CDK7: variants seen among roughly 807,000 people sequenced by gnomAD.
CDK7 encodes cyclin-dependent kinase 7.
Under a neutral mutation model 49.1 loss-of-function variants are expected in CDK7, and 25 were observed. The ratio of observed to expected loss-of-function variants is 0.51; its 90% CI spans 0.37 to 0.71. The LOEUF (loss-of-function observed/expected upper bound fraction) is 0.71. CDK7 is among the 30% of genes least tolerant of loss of function. The pLI, the probability that CDK7 is intolerant of heterozygous loss-of-function variation, is 0.00. For missense variants in CDK7, 316 were observed against 411.7 expected, an observed-to-expected ratio of 0.77 and a Z score of 2.01; for synonymous variants, 107 against 140.0, an observed-to-expected ratio of 0.76 and a Z score of 1.67.
chr5:69,235,348 C>T (rs755828810), intron 1 of CDK7, 46 bp from the exon 2 acceptor site: 7 of 1,398,326 alleles, frequency 5.0e-6, no homozygotes, highest in South Asian at 1.2e-5. Flanking sequence ...AAAAGGCAAA[C>T]ACAAAAACTC....
intron 2 of CDK7, among the ~76,000 whole-genome samples, chr5:69,251,034 A>T (rs941314462): frequency 2.4e-4 from 36 of 151,488 alleles, no homozygotes; most frequent in African/African-American, 8.7e-4. Context: ...GGCTCAAGCA[A>T]TCCTCCCACT....
intron 7 of CDK7, 100 bp downstream of exon 7, chr5:69,260,036 A>T: frequency 3.9e-6 from 3 of 762,216 alleles, no homozygotes; most frequent in Non-Finnish European, 4.4e-6. Flanking sequence ...ATCATTGTTG[A>T]TAGATACCGT....
At chr5:69,236,686 T>C (rs974217679) in intron 2 of CDK7, among the ~76,000 whole-genome samples, 1 of 151,886 alleles carries the variant, frequency 6.6e-6, no homozygotes, top group Non-Finnish European at 1.5e-5. Flanking sequence ...AGAATTTTGC[T>C]TGTTGCCCAG....
chr5:69,273,056 C>CT lies in CDK7; in HGVS notation c.864+21dup. On this transcript the variant is annotated intron_variant, in intron 10 of 11. Coordinates refer to ENST00000256443, the MANE Select transcript of CDK7 (RefSeq NM_001799.4). ...CGGCCACACAGGTATTTTGGTGTAT[C>CT]TTTTTTATACTAGGAAATATAAAAA... is the stretch of plus-strand genomic sequence containing the variant. 1.4e-6 allele frequency: 2 copies of CT among 1,448,974 alleles called. No individual in the cohort carries two copies. Among genetic ancestry groups the CT allele is most frequent in the Non-Finnish European group, 1.9e-6 (2 of 1,076,338 alleles). 89.8% of individuals were successfully genotyped at this position (1,448,974 alleles called of 1,614,324 possible).
At chr5:69,261,416 G>A (rs1750801784) in intron 7 of CDK7, among the ~76,000 whole-genome samples, 1 of 151,974 alleles carries the variant, frequency 6.6e-6, no homozygotes, top group Non-Finnish European at 1.5e-5. Context: ...TTAGCAGTGT[G>A]GACATGACTG....
At chr5:69,243,806 T>C (rs1186438126) in intron 2 of CDK7, among the ~76,000 whole-genome samples, 1 of 151,662 alleles carries the variant, frequency 6.6e-6, no homozygotes, top group African/African-American at 2.4e-5. Context: ...TGTCTTCAAT[T>C]TCTTTCACCA....
chr5:69,236,563 C>T (rs537281371), intron 2 of CDK7, among the ~76,000 whole-genome samples: 9 of 152,262 alleles, frequency 5.9e-5, no homozygotes, highest in East Asian at 1.9e-4. Flanking sequence ...ATCTTCCAGC[C>T]TCCAAGTACT....
At chr5:69,270,411 C>G (rs1316237894) in intron 9 of CDK7, among the ~76,000 whole-genome samples, 1 of 152,236 alleles carries the variant, frequency 6.6e-6, no homozygotes, top group African/African-American at 2.4e-5. Flanking sequence ...CACCACTGCG[C>G]TTTACCAGCA....
intron 2 of CDK7, among the ~76,000 whole-genome samples, chr5:69,248,802 CT>C (rs70992911): frequency 2.8e-4 from 26 of 92,270 alleles, no homozygotes; most frequent in Non-Finnish European, 3.8e-4. Flanking sequence ...TTTTTTTTTT[CT>C]TTTTTTTTTT....
chr5:69,271,927 TTTTG>T (rs1751590614), intron 9 of CDK7, among the ~76,000 whole-genome samples: 1 of 147,140 alleles, frequency 6.8e-6, no homozygotes. Context: ...AAGGTTCAGT[TTTTG>T]TTTTTTTTTT....
chr5:69,257,186 GGAGT>G (rs1166298625), intron 5 of CDK7, among the ~76,000 whole-genome samples: 1 of 152,194 alleles, frequency 6.6e-6, no homozygotes, highest in Non-Finnish European at 1.5e-5. Context: ...GTAAAGGAAA[GGAGT>G]AAGTACAGAG....
Position 69,277,117 on chromosome 5 carries a change from C to T in CDK7, c.1023C>T (p.Pro341=), listed in dbSNP as rs769162123. ...CTTTTTGCTTCCTAGGAGGATTGCC[C>T]AAGAAACTAATTTTTTAAAGAGAAC... ...RTEALEQGGL[P]KKLIF is the part of the protein sequence containing the mutation. The change falls in exon 12 of 12, where the codon CCC becomes CCT. Residue 341 remains proline (P), a synonymous_variant. Transcript: ENST00000256443. The T allele has an allele frequency of 2.0e-5, 32 of 1,592,900 alleles. No homozygotes were observed. The highest frequency in any genetic ancestry group is 2.6e-5 in the Non-Finnish European group (30 of 1,171,276).
At chr5:69,254,065 A>C (rs1207229014) in intron 3 of CDK7, among the ~76,000 whole-genome samples, 1 of 152,196 alleles carries the variant, frequency 6.6e-6, no homozygotes, top group Non-Finnish European at 1.5e-5. Flanking sequence ...ATGCCACTGC[A>C]CTCCAACCTG....
intron 7 of CDK7, among the ~76,000 whole-genome samples, chr5:69,261,516 G>A (rs1192974125): frequency 1.4e-5 from 2 of 143,228 alleles, no homozygotes; most frequent in South Asian, 2.4e-4. Flanking sequence ...GTGTGTGTGT[G>A]TGTGTGTGTA....
intron 7 of CDK7, 35 bp from the exon 8 acceptor site, chr5:69,262,170 A>G (rs752581476): frequency 6.2e-7 from 1 of 1,612,432 alleles, no homozygotes; most frequent in Non-Finnish European, 8.5e-7. Flanking sequence ...TGATAATTTC[A>G]TGCTAAAATG....
At chr5:69,258,376 ATTTTTT>A (rs58004328) in intron 6 of CDK7, among the ~76,000 whole-genome samples, 35 of 105,030 alleles carry the variant, frequency 3.3e-4, no homozygotes, top group African/African-American at 1.3e-3. Flanking sequence ...CCAGTCCCTC[ATTTTTT>A]TTTTTTTTTT....
chr5:69,272,495 G>A (rs1161713771), intron 9 of CDK7, among the ~76,000 whole-genome samples: 1 of 152,080 alleles, frequency 6.6e-6, no homozygotes, highest in African/African-American at 2.4e-5. Context: ...TCCTTCCTCT[G>A]TTGAATATTC....
intron 10 of CDK7, among the ~76,000 whole-genome samples, chr5:69,274,273 T>C (rs1442034254): frequency 6.6e-6 from 1 of 152,218 alleles, no homozygotes; most frequent in Middle Eastern, 3.2e-3. Context: ...GGTATTTTCT[T>C]AGATCTTTAG....
chr5:69,258,661 C>T (rs1260988033), intron 6 of CDK7, among the ~76,000 whole-genome samples: 1 of 152,130 alleles, frequency 6.6e-6, no homozygotes, highest in Admixed American at 6.6e-5. Context: ...GGATTACAGG[C>T]GTGAGCCATT....
Sources: gnomAD v4.1 joint callset for allele counts (sites outside exome capture counted in the v4.1 genomes callset) on GRCh38, gnomAD v4.1.1 for gene constraint, MANE v1.5 for transcripts, NCBI Gene and HGNC (gene_info 2026-07-23, HGNC 2026-07-21) for gene names.